Variants in STK32A observed in about 807,000 individuals in gnomAD.
STK32A encodes serine/threonine kinase 32A, also known as serine/threonine-protein kinase 32A.
STK32A carries 41 observed loss-of-function variants against 53.2 expected under a neutral mutation model. That is an observed-to-expected ratio of 0.77 (90% CI 0.60 to 1.00). The LOEUF is 1.00. Ranked by LOEUF, STK32A falls within the 50% of genes least tolerant of loss-of-function variation. The pLI, the probability that STK32A is intolerant of heterozygous loss-of-function variation, is 0.00. For missense variants in STK32A, 458 were observed against 485.8 expected, an observed-to-expected ratio of 0.94 and a Z score of 0.54; for synonymous variants, 166 against 162.8, an observed-to-expected ratio of 1.02 and a Z score of -0.15.
At chr5:147,335,562 CCTT>C (rs149780707) in intron 5 of STK32A, among the ~76,000 whole-genome samples, 6,011 of 152,258 alleles carry the variant, frequency 0.039, 392 homozygotes, top group African/African-American at 0.14. Context: ...GAATCACACT[CCTT>C]CTCAAAACTT....
At chr5:147,276,423 C>T (rs1005153203) in intron 2 of STK32A, among the ~76,000 whole-genome samples, 8 of 152,164 alleles carry the variant, frequency 5.3e-5, no homozygotes, top group African/African-American at 1.7e-4. Context: ...ATTTTAGCTA[C>T]ATTTATTTCA....
At chr5:147,314,120 A>C (rs1420055660) in intron 4 of STK32A, among the ~76,000 whole-genome samples, 2 of 152,172 alleles carry the variant, frequency 1.3e-5, no homozygotes, top group African/African-American at 2.4e-5. Flanking sequence ...CTTCAAAGTC[A>C]CTATCAAAAA....
chr5:147,383,360 G>A, intron 11 of STK32A, 81 bp from the exon 12 acceptor site: 1 of 1,160,068 alleles, frequency 8.6e-7, no homozygotes. Flanking sequence ...TGAATAGACT[G>A]TCACCAGGTT....
chr5:147,325,035 T>C (rs10064995), intron 5 of STK32A, among the ~76,000 whole-genome samples: 29,887 of 152,086 alleles, frequency 0.2, 3,086 homozygotes, highest in African/African-American at 0.24. Context: ...AGCTAACAAA[T>C]AGCGTAGCCA....
rs533467496 is a variant in STK32A, at chr5:147,346,730, C to T, written c.472+3687C>T. On this transcript the variant is annotated intron_variant, in intron 6 of 12. Coordinates refer to ENST00000397936, the MANE Select transcript of STK32A (RefSeq NM_001112724.2). ...AGTACCCCATCCAATTCTATCAATA[C>T]CATAGTGTCTAAAATTCTTGTATTT... Among the ~76,000 whole-genome samples the T allele has an allele frequency of 5.9e-5, 9 of 152,252 alleles. No individual in the cohort carries two copies. In the South Asian group the frequency reaches 1.5e-3, roughly 25 times the overall value.
chr5:147,364,961 C>G (rs530452942), intron 8 of STK32A, among the ~76,000 whole-genome samples: 1 of 152,118 alleles, frequency 6.6e-6, no homozygotes, highest in East Asian at 1.9e-4. Flanking sequence ...GAAGACCTGA[C>G]TTTAGGAGCT....
chr5:147,356,084 C>T (rs936175224), intron 7 of STK32A, among the ~76,000 whole-genome samples: 12 of 151,726 alleles, frequency 7.9e-5, no homozygotes, highest in Non-Finnish European at 1.5e-4. Flanking sequence ...ATAGGTTTTA[C>T]TATTGTTTAG....
At chr5:147,371,598 A>G (rs1211599974) in intron 9 of STK32A, among the ~76,000 whole-genome samples, 1 of 152,164 alleles carries the variant, frequency 6.6e-6, no homozygotes, top group East Asian at 1.9e-4. Flanking sequence ...GTTCTAGTCC[A>G]TGAATTTTTT....
the STK32A span, chr5:147,401,784 C>A: frequency 2.0e-6 from 3 of 1,508,390 alleles, no homozygotes; most frequent in Non-Finnish European, 2.7e-6. Context: ...CTAAGCCTAC[C>A]CAGGACTGTG....
chr5:147,253,690 T>C (rs1754099039), intron 2 of STK32A, among the ~76,000 whole-genome samples: 1 of 152,164 alleles, frequency 6.6e-6, no homozygotes, highest in African/African-American at 2.4e-5. Context: ...AAAAATAATG[T>C]TTGTACTTCC....
rs553167309 is a variant in STK32A at position 147,372,009 on chromosome 5, C to T, written c.778-1160C>T. ...CCAGCATTTGTGTGATCCTTGGTTA[C>T]GTACCATTTTCTTCTTAGCTTCATG... On this transcript the variant is annotated intron_variant, in intron 9 of 12. Transcript: ENST00000397936. Among the ~76,000 whole-genome samples the T allele has an allele frequency of 9.2e-5, 14 of 152,196 alleles. No homozygotes were observed. The East Asian group carries it at 9.7e-4, about 11-fold the overall frequency.
intron 4 of STK32A, among the ~76,000 whole-genome samples, chr5:147,307,920 TGTTTTAATTACTGTA>T (rs1197724492): frequency 8.5e-5 from 13 of 152,164 alleles, no homozygotes; most frequent in Admixed American, 2.6e-4. Flanking sequence ...TTTATCACTC[TGTTTTAATTACTGTA>T]GTTTTATACT....
intron 4 of STK32A, among the ~76,000 whole-genome samples, chr5:147,285,894 A>C (rs1195406596): frequency 1.3e-5 from 2 of 152,196 alleles, no homozygotes; most frequent in East Asian, 3.8e-4. Flanking sequence ...AAATTACTTA[A>C]AGAACTAAAA....
chr5:147,277,338 T>C (rs868308853), intron 2 of STK32A, among the ~76,000 whole-genome samples: 3 of 152,156 alleles, frequency 2.0e-5, no homozygotes, highest in Non-Finnish European at 4.4e-5. Flanking sequence ...GTTCTTCTCA[T>C]CATTATACAT....
chr5:147,239,026 A>G (rs1187511714), intron 1 of STK32A, among the ~76,000 whole-genome samples: 2 of 152,202 alleles, frequency 1.3e-5, no homozygotes, highest in African/African-American at 2.4e-5. Flanking sequence ...TATCTTCCCC[A>G]AGTTCAGAAG....
chr5:147,307,608 G>T (rs1245324068), intron 4 of STK32A, among the ~76,000 whole-genome samples: 1 of 118,588 alleles, frequency 8.4e-6, no homozygotes, highest in East Asian at 2.7e-4. Flanking sequence ...TTGGGCGACA[G>T]ATCCAGACGC....
intron 2 of STK32A, among the ~76,000 whole-genome samples, chr5:147,260,573 C>A (rs1754516413): frequency 6.9e-6 from 1 of 145,812 alleles, no homozygotes; most frequent in Non-Finnish European, 1.5e-5. Flanking sequence ...ACTCCTCAAA[C>A]CAAGGGGTGT....
intron 7 of STK32A, among the ~76,000 whole-genome samples, chr5:147,355,792 GTATA>G (rs140534042): frequency 0.012 from 1,713 of 147,702 alleles, 28 homozygotes; most frequent in African/African-American, 0.039. Flanking sequence ...GTGTGTGTGT[GTATA>G]TATATATATA....
rs1753883087 is a variant in STK32A at position 147,314,521 on chromosome 5, A to AC, written c.261-9377_261-9376insC. On this transcript the variant is annotated intron_variant, in intron 4 of 12. Coordinates refer to ENST00000397936, the MANE Select transcript of STK32A (RefSeq NM_001112724.2). The stretch of plus-strand genomic sequence containing the variant: ...ATCAAAAAAAACAAAAAAAAACAAA[A>AC]AAAAACAAAAAAAAAAAAAGAACAA... Among the ~76,000 whole-genome samples, 2 of 16,602 alleles carry AC rather than the reference A, an allele frequency of 1.2e-4. 1 individual carries two copies. The highest frequency in any genetic ancestry group is 1.2e-3 in the Admixed American group (2 of 1,724). 10.9% of individuals were successfully genotyped at this position (16,602 alleles called of 152,430 possible). A position where few individuals can be genotyped will look rare whatever the true frequency, so the allele number is the denominator to read the frequency against.
Sources: gnomAD v4.1 joint callset for allele counts (sites outside exome capture counted in the v4.1 genomes callset) on GRCh38, gnomAD v4.1.1 for gene constraint, MANE v1.5 for transcripts, NCBI Gene and HGNC (gene_info 2026-07-23, HGNC 2026-07-21) for gene names.